ST13: variants seen among roughly 807,000 people sequenced by gnomAD.
The protein encoded by ST13 is ST13 Hsp70 interacting protein.
A neutral mutation model predicts 56.7 loss-of-function variants in ST13; 23 were observed. The ratio of observed to expected loss-of-function variants is 0.41; its 90% confidence interval spans 0.29 to 0.57. The LOEUF is 0.57. Ranked by LOEUF, ST13 falls within the 20% of genes least tolerant of loss-of-function variation. The pLI is 0.36. For missense variants in ST13, 369 were observed against 459.9 expected, an observed-to-expected ratio of 0.80 and a Z score of 1.81; for synonymous variants, 132 against 142.4, an observed-to-expected ratio of 0.93 and a Z score of 0.52.
chr22:40,828,261 T>C (rs975402863), intron 10 of ST13, among the ~76,000 whole-genome samples: 3 of 152,156 alleles, frequency 2.0e-5, no homozygotes, highest in Admixed American at 6.5e-5. Flanking sequence ...TTCTTCAATA[T>C]CATAAACCTG....
intron 1 of ST13, 63 bp downstream of exon 1, chr22:40,856,368 G>C: frequency 6.9e-7 from 1 of 1,447,718 alleles, no homozygotes. Context: ...GCCAGGTCCA[G>C]CCTGGCTCCC....
chr22:40,834,643 C>A, intron 7 of ST13, among the ~76,000 whole-genome samples: 1 of 152,126 alleles, frequency 6.6e-6, no homozygotes, highest in East Asian at 1.9e-4. Context: ...ATCTTAGTTT[C>A]CGCTATAATG....
At position 40,832,573 on chromosome 22, in the gene ST13, G is replaced by C. The variant is rs2057758972; in HGVS notation, c.677C>G (p.Pro226Arg). The change falls in exon 8 of 12, where the codon CCT (proline) becomes CGT (arginine). Residue 226 changes from proline (P) to arginine (R), a missense_variant. Coordinates refer to ENST00000216218, the MANE Select transcript of ST13 (RefSeq NM_003932.5). Reference sequence around the variant, plus strand: ...CCTTTCTCTACTTTGACATACCCTAGGTTGAACTTCTTTCAGCATTGCACT... The same window carrying C: ...CCTTTCTCTACTTTGACATACCCTACGTTGAACTTCTTTCAGCATTGCACT... ...DASAMLKEVQ[P>R]RAQKIAEHRR... 1.2e-6 allele frequency: 2 copies of C among 1,607,630 alleles called. No homozygotes were observed. The highest frequency in any genetic ancestry group is 1.7e-6 in the Non-Finnish European group (2 of 1,177,940).
At chr22:40,838,969 G>A (rs1328523612) in intron 5 of ST13, among the ~76,000 whole-genome samples, 1 of 151,352 alleles carries the variant, frequency 6.6e-6, no homozygotes, top group Non-Finnish European at 1.5e-5. Context: ...CAAGATTGGA[G>A]AAGTAAAATA....
intron 2 of ST13, among the ~76,000 whole-genome samples, chr22:40,848,870 G>C (rs1457202334): frequency 6.6e-6 from 1 of 152,106 alleles, no homozygotes; most frequent in Non-Finnish European, 1.5e-5. Flanking sequence ...TCTTTACAAG[G>C]GTTTTTGAGT....
chr22:40,840,734 G>C (rs952495402), intron 4 of ST13, 42 bp from the exon 5 acceptor site: 2 of 1,551,226 alleles, frequency 1.3e-6, no homozygotes, highest in Non-Finnish European at 1.8e-6. Flanking sequence ...AGTAGAGAGA[G>C]AGAGAAGGAA....
intron 4 of ST13, among the ~76,000 whole-genome samples, chr22:40,843,805 A>C (rs1440759070): frequency 3.9e-5 from 6 of 152,204 alleles, no homozygotes; most frequent in Non-Finnish European, 7.3e-5. Flanking sequence ...GAAAAAGTTT[A>C]AACAGGAGTT....
intron 4 of ST13, among the ~76,000 whole-genome samples, chr22:40,844,107 T>G (rs2145743977): frequency 6.6e-6 from 1 of 152,136 alleles, no homozygotes; most frequent in East Asian, 1.9e-4. Context: ...GGTCTCAAAC[T>G]CCTGACCTTA....
chr22:40,849,187 T>C (rs1056957044), intron 2 of ST13, among the ~76,000 whole-genome samples: 1 of 152,022 alleles, frequency 6.6e-6, no homozygotes, highest in African/African-American at 2.4e-5. Context: ...CTTAAAAAAT[T>C]AGAACCAAGG....
chr22:40,827,043 T>C lies in ST13; in HGVS notation c.981+53A>G. ...TAACCTTTGTCTCCACACAGAATTA[T>C]GAAAGAATTGCCTTAATGATACAAA... On this transcript the variant is annotated intron_variant, in intron 11 of 11. Coordinates refer to ENST00000216218, the MANE Select transcript of ST13 (RefSeq NM_003932.5). 4 of 1,580,416 alleles carry C rather than the reference T, an allele frequency of 2.5e-6. No individual in the cohort carries two copies. In the South Asian group the frequency reaches 4.6e-5, roughly 18 times the overall value.
In ST13 at chr22:40,824,949, G is replaced by A. The variant is rs2145728277; in HGVS notation, c.*1589C>T. On this transcript the variant is annotated 3_prime_UTR_variant, in exon 12 of 12. Coordinates refer to ENST00000216218, the MANE Select transcript of ST13 (RefSeq NM_003932.5). ...TTCAGAAATGTGGTATTTTAGAAAT[G>A]TACTCCATAGAATTTACTTCACTGC... 6.6e-6 allele frequency: 1 copy of A among 152,244 alleles called. No individual in the cohort carries two copies. Among genetic ancestry groups the A allele is most frequent in the Non-Finnish European group, 1.5e-5 (1 of 68,014 alleles). 9.4% of individuals were successfully genotyped at this position (152,244 alleles called of 1,614,324 possible). A position where few individuals can be genotyped will look rare whatever the true frequency, so the allele number is the denominator to read the frequency against.
chr22:40,833,687 C>T (rs547126918), intron 7 of ST13, among the ~76,000 whole-genome samples: 36 of 151,952 alleles, frequency 2.4e-4, no homozygotes, highest in Non-Finnish European at 3.8e-4. Context: ...ACCAGCCTGG[C>T]CAATGTGGCA....
chr22:40,845,140 CAT>C (rs67273899), intron 3 of ST13, among the ~76,000 whole-genome samples: 54 of 152,264 alleles, frequency 3.5e-4, no homozygotes, highest in African/African-American at 8.7e-4. Flanking sequence ...GGGTTGTTGA[CAT>C]GTGCAGTTTC....
At chr22:40,856,253 G>A (rs1054806765) in intron 1 of ST13, among the ~76,000 whole-genome samples, 178 bp downstream of exon 1, 20 of 152,004 alleles carry the variant, frequency 1.3e-4, no homozygotes, top group Middle Eastern at 3.2e-3. Context: ...TGCTCCCCGC[G>A]GCTCCTGTAC....
intron 8 of ST13, among the ~76,000 whole-genome samples, chr22:40,831,379 A>G (rs1412941903): frequency 6.6e-6 from 1 of 152,214 alleles, no homozygotes; most frequent in Non-Finnish European, 1.5e-5. Context: ...AGTATATGCC[A>G]CAGTATATTT....
At chr22:40,832,507 G>A in intron 8 of ST13, 62 bp downstream of exon 8, 1 of 1,196,052 alleles carries the variant, frequency 8.4e-7, no homozygotes, top group South Asian at 1.2e-5. Context: ...GCTGTCGGGG[G>A]CTAAGCACTA....
intron 7 of ST13, 183 bp downstream of exon 7, chr22:40,835,377 C>A: frequency 2.3e-6 from 1 of 432,880 alleles, no homozygotes; most frequent in African/African-American, 2.1e-5. Context: ...TTTTAAATTT[C>A]TTTTTTTTTT....
At chr22:40,841,565 G>A (rs9623247) in intron 4 of ST13, among the ~76,000 whole-genome samples, 6,533 of 151,764 alleles carry the variant, frequency 0.043, 452 homozygotes, top group African/African-American at 0.15. Flanking sequence ...GCGAAACTTC[G>A]TCTCTACAAA....
intron 2 of ST13, among the ~76,000 whole-genome samples, chr22:40,849,947 AAG>A (rs1358390877): frequency 1.3e-5 from 2 of 150,312 alleles, no homozygotes; most frequent in African/African-American, 2.4e-5. Flanking sequence ...ATGAAGGCAG[AAG>A]AGAGAAATAA....
Sources: gnomAD v4.1 joint callset for allele counts (sites outside exome capture counted in the v4.1 genomes callset) on GRCh38, gnomAD v4.1.1 for gene constraint, MANE v1.5 for transcripts, NCBI Gene and HGNC (gene_info 2026-07-23, HGNC 2026-07-21) for gene names.